LSM11: variants seen among roughly 807,000 people sequenced by gnomAD.
LSM11 encodes U7 snRNA-associated Sm-like protein LSm11.
In LSM11, 14 loss-of-function variants were observed where a neutral mutation model predicts 28.1. That is an observed-to-expected ratio of 0.50 (90% CI 0.33 to 0.78). The LOEUF is 0.78. Among genes scored for constraint, LSM11 ranks in the 30% least tolerant of loss-of-function variants. LSM11 has a pLI of 0.02. For synonymous variants in LSM11, 207 were observed against 214.2 expected (o/e 0.97, Z 0.30); for missense variants, 495 against 510.6 (o/e 0.97, Z 0.30).
chr5:157,751,676 A>G, intron 2 of LSM11, 147 bp downstream of exon 2: 1 of 900,272 alleles, frequency 1.1e-6, no homozygotes, highest in Non-Finnish European at 1.7e-6. Flanking sequence ...TTGGGCAACA[A>G]CAAGAAAAGG....
intron 1 of LSM11, chr5:157,747,609 G>T (rs1273611672): frequency 4.7e-6 from 1 of 213,968 alleles, no homozygotes; most frequent in Non-Finnish European, 1.0e-5. Flanking sequence ...TCCTGTTGTT[G>T]TAGTTTACTT....
At chr5:157,753,333 T>G (rs376678248) in intron 2 of LSM11, among the ~76,000 whole-genome samples, 1 of 141,548 alleles carries the variant, frequency 7.1e-6, no homozygotes, top group African/African-American at 2.6e-5. Flanking sequence ...TTTGAAGAAT[T>G]GAAGAGAATG....
chr5:157,757,292 G>C lies in LSM11; in HGVS notation c.*2028G>C, dbSNP rs1487154857. ...CATTCCTTCCTCCTAAGGGACAATG[G>C]AAGTTCTCAGAAGAGTATCTTCAGT... On this transcript the variant is annotated 3_prime_UTR_variant, in exon 4 of 4. Coordinates refer to ENST00000286307, the MANE Select transcript of LSM11 (RefSeq NM_173491.4). 6.6e-6 allele frequency: 1 copy of C among 152,132 alleles called. No homozygotes were observed. Among genetic ancestry groups the C allele is most frequent in the Admixed American group, 6.5e-5 (1 of 15,276 alleles). 9.4% of individuals were successfully genotyped at this position (152,132 alleles called of 1,614,324 possible). A position where few individuals can be genotyped will look rare whatever the true frequency, so the allele number is the denominator to read the frequency against.
At position 157,755,722 on chromosome 5, in the gene LSM11, T is replaced by C; in HGVS notation, c.*458T>C. ...CTTGGAGCCCTGCATCCACGTCTTGTAACTAACTTTTGAATTTTGCCTGAC... is the reference window on the plus strand; with the variant it reads ...CTTGGAGCCCTGCATCCACGTCTTGCAACTAACTTTTGAATTTTGCCTGAC... On this transcript the variant is annotated 3_prime_UTR_variant, in exon 4 of 4. Coordinates refer to ENST00000286307, the MANE Select transcript of LSM11 (RefSeq NM_173491.4). 2.5e-6 allele frequency: 1 copy of C among 401,502 alleles called. No individual in the cohort carries two copies. Among genetic ancestry groups the C allele is most frequent in the Non-Finnish European group, 4.4e-6 (1 of 227,812 alleles). The allele number at this position is 401,502 out of a possible 1,614,324, so 24.9% of individuals were successfully genotyped here. A position where few individuals can be genotyped will look rare whatever the true frequency, so the allele number is the denominator to read the frequency against.
intron 2 of LSM11, among the ~76,000 whole-genome samples, chr5:157,752,438 G>T (rs1761251491): frequency 6.6e-6 from 1 of 152,078 alleles, no homozygotes; most frequent in East Asian, 1.9e-4. Flanking sequence ...CCACATGGTG[G>T]TTTTATAATG....
In LSM11 at chr5:157,754,097, T is replaced by A; in HGVS notation, c.672+10T>A. 1 of 1,541,436 alleles carries A rather than the reference T, an allele frequency of 6.5e-7. No individual in the cohort carries two copies. ...ACTGACTCTCACTAGGGTAGGCAGT[T>A]TTCCCCTGACCTCCTGAGTAGCCAT... On this transcript the variant is annotated intron_variant, in intron 3 of 3. Coordinates refer to ENST00000286307, the MANE Select transcript of LSM11 (RefSeq NM_173491.4).
chr5:157,747,032 A>G (rs1369996137), intron 1 of LSM11, among the ~76,000 whole-genome samples: 3 of 152,216 alleles, frequency 2.0e-5, no homozygotes, highest in Non-Finnish European at 4.4e-5. Context: ...GATACCAACA[A>G]AGAACTCACA....
At chr5:157,751,269 T>C (rs1442706474) in intron 1 of LSM11, 121 bp from the exon 2 acceptor site, 12 of 1,114,944 alleles carry the variant, frequency 1.1e-5, no homozygotes, top group African/African-American at 1.6e-5. Context: ...CCTGTTCCAA[T>C]AGTGAGATTG....
rs922338141 is a variant in LSM11 at position 157,755,354 on chromosome 5, G to C, written c.*90G>C. 21 of 1,382,024 alleles carry C rather than the reference G, an allele frequency of 1.5e-5. 1 individual carries two copies. In the South Asian group the frequency reaches 2.7e-4, roughly 18 times the overall value. 85.6% of individuals were successfully genotyped at this position (1,382,024 alleles called of 1,614,324 possible). On this transcript the variant is annotated 3_prime_UTR_variant, in exon 4 of 4. Coordinates refer to ENST00000286307, the MANE Select transcript of LSM11 (RefSeq NM_173491.4). ...AGTATCCCAGTGAAACTCTGAGTTG[G>C]AATGATTCCCTCTGGTCCTGCATAT...
At position 157,751,397 on chromosome 5, in the gene LSM11, A is replaced by T. The variant is rs770457901; in HGVS notation, c.456A>T (p.Glu152Asp). Residue 152 changes from glutamate to aspartate, a missense_variant, in exon 2 of 4, where the codon GAA becomes GAT. By Grantham distance (45) the Glu-to-Asp change is conservative. Transcript: ENST00000286307. ...RNVLTRMPLHEGSPLGELHRC... is the reference protein window; with the variant it reads ...RNVLTRMPLHDGSPLGELHRC... ...GTTCTTCTCTTGTTTCAGTGCACGA[A>T]GGCAGCCCTCTGGGTGAACTCCATC... 1 of 1,590,624 alleles carries T rather than the reference A, an allele frequency of 6.3e-7. No homozygotes were observed. The highest frequency in any genetic ancestry group is 8.5e-7 in the Non-Finnish European group (1 of 1,171,234).
rs1035364112 is a variant in LSM11, at chr5:157,759,095, T to G, written c.*3831T>G. On this transcript the variant is annotated 3_prime_UTR_variant, in exon 4 of 4. Transcript: ENST00000286307. ...GGGAGAGTGGCTTTAGACCAGTCAG[T>G]ACCTTGCTCTTTGTGCATGGTGCAT... The G allele has an allele frequency of 4.6e-5, 7 of 152,224 alleles. No homozygotes were observed. The highest frequency in any genetic ancestry group is 1.0e-4 in the Non-Finnish European group (7 of 68,036). 9.4% of individuals were successfully genotyped at this position (152,224 alleles called of 1,614,324 possible).
Position 157,744,089 on chromosome 5 carries a change from C to A in LSM11, c.339C>A (p.Leu113=). 1 of 1,486,506 alleles carries A rather than the reference C, an allele frequency of 6.7e-7. No homozygotes were observed. The highest frequency in any genetic ancestry group is 1.4e-5 in the African/African-American group (1 of 69,232). The allele number at this position is 1,486,506 out of a possible 1,614,324, so 92.1% of individuals were successfully genotyped here. The change falls in exon 1 of 4, where the codon CTC becomes CTA. Residue 113 remains leucine (L), a synonymous_variant. Coordinates refer to ENST00000286307, the MANE Select transcript of LSM11 (RefSeq NM_173491.4). ...CGGACCCCGAGCGCATCCAGCGCCT[C>A]CGCCGTCTCATGGTGGCCAAAGAGG... ...PAPDPERIQR[L]RRLMVAKEEG... is the part of the protein sequence containing the mutation.
At chr5:157,746,072 A>G (rs1761141851) in intron 1 of LSM11, among the ~76,000 whole-genome samples, 1 of 152,192 alleles carries the variant, frequency 6.6e-6, no homozygotes, top group Admixed American at 6.5e-5. Flanking sequence ...TCCAAAAACA[A>G]AAGTTGGAAG....
intron 1 of LSM11, among the ~76,000 whole-genome samples, chr5:157,748,702 G>A (rs777547207): frequency 2.6e-5 from 4 of 152,118 alleles, no homozygotes; most frequent in African/African-American, 4.8e-5. Context: ...AAGAGTTACT[G>A]TAAGAGGCAA....
chr5:157,746,956 A>AT (rs1243905061), intron 1 of LSM11, among the ~76,000 whole-genome samples: 1 of 152,186 alleles, frequency 6.6e-6, no homozygotes, highest in Non-Finnish European at 1.5e-5. Context: ...AATACTGGGA[A>AT]TACTAAAGAA....
At chr5:157,751,297 A>G in intron 1 of LSM11, 93 bp from the exon 2 acceptor site, 1 of 1,396,972 alleles carries the variant, frequency 7.2e-7, no homozygotes, top group East Asian at 2.4e-5. Flanking sequence ...ACCATGGGCC[A>G]CATGTTGCTG....
chr5:157,757,395 T>A lies in LSM11; in HGVS notation c.*2131T>A, dbSNP rs1761344426. 6.6e-6 allele frequency: 1 copy of A among 152,106 alleles called. No homozygotes were observed. The highest frequency in any genetic ancestry group is 1.5e-5 in the Non-Finnish European group (1 of 68,018). The allele number at this position is 152,106 out of a possible 1,614,324, so 9.4% of individuals were successfully genotyped here. ...CTTTTCTGATCATTATCAGAAAGAATCCCCTGAACTTTTCAAGGGGTTTAT... is the reference window on the plus strand; with the variant it reads ...CTTTTCTGATCATTATCAGAAAGAAACCCCTGAACTTTTCAAGGGGTTTAT... On this transcript the variant is annotated 3_prime_UTR_variant, in exon 4 of 4. Coordinates refer to ENST00000286307, the MANE Select transcript of LSM11 (RefSeq NM_173491.4).
intron 1 of LSM11, among the ~76,000 whole-genome samples, chr5:157,744,828 T>C (rs1459236302): frequency 6.6e-6 from 1 of 152,230 alleles, no homozygotes; most frequent in Admixed American, 6.5e-5. Flanking sequence ...TCGAGTGCGA[T>C]AAGCAGAAGG....
intron 1 of LSM11, among the ~76,000 whole-genome samples, chr5:157,748,253 C>G (rs763195300): frequency 2.0e-5 from 3 of 152,118 alleles, no homozygotes; most frequent in Non-Finnish European, 4.4e-5. Flanking sequence ...GTTATGGAAT[C>G]TGGGGAGCTG....
Sources: gnomAD v4.1 joint callset for allele counts (sites outside exome capture counted in the v4.1 genomes callset) on GRCh38, gnomAD v4.1.1 for gene constraint, MANE v1.5 for transcripts, NCBI Gene and HGNC (gene_info 2026-07-23, HGNC 2026-07-21) for gene names.